METAP2: variants seen among roughly 807,000 people sequenced by gnomAD.
The protein encoded by METAP2 is methionyl aminopeptidase 2, also known as methionine aminopeptidase 2.
In METAP2, 25 loss-of-function variants were observed where a neutral mutation model predicts 59.4. The observed-to-expected ratio is 0.42, with a 90% CI of 0.31 to 0.59. METAP2 has a LOEUF of 0.59. METAP2 is among the 20% of genes least tolerant of loss of function. The pLI is 0.16. For missense variants in METAP2, 366 were observed against 581.2 expected, an observed-to-expected ratio of 0.63 and a Z score of 3.81; for synonymous variants, 214 against 194.1, an observed-to-expected ratio of 1.10 and a Z score of -0.85.
Position 95,515,230 on chromosome 12 carries a change from C to A in METAP2, c.*1326C>A, listed in dbSNP as rs201295216. 10 of 152,606 alleles carry A rather than the reference C, an allele frequency of 6.6e-5. No individual in the cohort carries two copies. Among genetic ancestry groups the A allele is most frequent in the Non-Finnish European group, 1.2e-4 (8 of 68,034 alleles). The allele number at this position is 152,606 out of a possible 1,614,324, so 9.5% of individuals were successfully genotyped here. A position where few individuals can be genotyped will look rare whatever the true frequency, so the allele number is the denominator to read the frequency against. The stretch of plus-strand genomic sequence containing the variant: ...ACTTGTGTACCTAGATCATCTGTTA[C>A]ATTAAAAAGCTGCTCTTTCAGCATT... On this transcript the variant is annotated 3_prime_UTR_variant, in exon 11 of 11. Coordinates refer to ENST00000323666, the MANE Select transcript of METAP2 (RefSeq NM_006838.4).
chr12:95,508,271 C>G (rs1056619802), intron 8 of METAP2, among the ~76,000 whole-genome samples: 2 of 152,120 alleles, frequency 1.3e-5, no homozygotes, highest in Non-Finnish European at 2.9e-5. Context: ...GATCTCATTT[C>G]CAGTGTGCTT....
Position 95,515,079 on chromosome 12 carries a change from A to C in METAP2, c.*1175A>C, listed in dbSNP as rs200008350. 1.3e-5 allele frequency: 2 copies of C among 152,668 alleles called. No homozygotes were observed. Among genetic ancestry groups the C allele is most frequent in the African/African-American group, 2.4e-5 (1 of 41,468 alleles). 9.5% of individuals were successfully genotyped at this position (152,668 alleles called of 1,614,324 possible). ...TGGGAATGTTCCATCATAATTTCTA[A>C]ATCATTTATATATCAAGGTAGCCTT... On this transcript the variant is annotated 3_prime_UTR_variant, in exon 11 of 11. Transcript: ENST00000323666.
chr12:95,475,150 G>C (rs1347180841), intron 1 of METAP2, among the ~76,000 whole-genome samples: 3 of 152,198 alleles, frequency 2.0e-5, no homozygotes, highest in African/African-American at 7.2e-5. Context: ...TGCTGCACAA[G>C]CTCCTTCACC....
At chr12:95,492,285 G>A (rs2076244362) in intron 4 of METAP2, among the ~76,000 whole-genome samples, 1 of 152,102 alleles carries the variant, frequency 6.6e-6, no homozygotes, top group African/African-American at 2.4e-5. Context: ...ATAGGAGTAA[G>A]CCACTGTACC....
chr12:95,510,226 C>G (rs561357942), intron 8 of METAP2, among the ~76,000 whole-genome samples: 1 of 152,304 alleles, frequency 6.6e-6, no homozygotes, highest in Non-Finnish European at 1.5e-5. Context: ...GCTACGTAAC[C>G]TCACTCCTCA....
In METAP2 at chr12:95,474,583, C is replaced by T. The variant is rs966625071; in HGVS notation, c.151+253C>T. Among the ~76,000 whole-genome samples the T allele has an allele frequency of 2.0e-5, 3 of 152,186 alleles. No homozygotes were observed. In the South Asian group the frequency reaches 6.2e-4, roughly 31 times the overall value. ...GTGTGGTACCTCTGGGGTCGCTGGG[C>T]CCGAGCCCCTGTATTACCAGAACTC... is the stretch of plus-strand genomic sequence containing the variant. On this transcript the variant is annotated intron_variant, in intron 1 of 10. Transcript: ENST00000323666.
At chr12:95,488,998 G>A (rs1430252410) in intron 4 of METAP2, among the ~76,000 whole-genome samples, 1 of 151,952 alleles carries the variant, frequency 6.6e-6, no homozygotes, top group Non-Finnish European at 1.5e-5. Flanking sequence ...CAATGTCATG[G>A]GATGTTTTTG....
chr12:95,487,858 A>G (rs1346855326), intron 4 of METAP2, among the ~76,000 whole-genome samples: 7 of 152,126 alleles, frequency 4.6e-5, no homozygotes, highest in African/African-American at 9.7e-5. Flanking sequence ...TGGCTTCATA[A>G]TATTCCGTGG....
intron 2 of METAP2, among the ~76,000 whole-genome samples, chr12:95,479,882 T>TACAGGCGTGA (rs1555190113): frequency 6.6e-6 from 1 of 152,240 alleles, no homozygotes; most frequent in Non-Finnish European, 1.5e-5. Flanking sequence ...GTGCTGGGAT[T>TACAGGCGTGA]ACAGGCGTGA....
At chr12:95,482,150 C>G (rs1313648321) in intron 2 of METAP2, 5 of 452,984 alleles carry the variant, frequency 1.1e-5, no homozygotes, top group Non-Finnish European at 2.2e-5. Flanking sequence ...CCTCCCGTCA[C>G]CCAGGCTGAC....
In METAP2 at chr12:95,485,961, A is replaced by ATACCCACCC; in HGVS notation, c.409_417dup (p.Tyr137_Pro139dup). On this transcript the variant is annotated inframe_insertion, in exon 4 of 11. Coordinates refer to ENST00000323666, the MANE Select transcript of METAP2 (RefSeq NM_006838.4). ...TATTTCCCAAAGGACAAGAATGCGA[A>ATACCCACCC]TACCCACCCACACAAGATGGGTAAG... 6.3e-7 allele frequency: 1 copy of ATACCCACCC among 1,585,316 alleles called. No individual in the cohort carries two copies. The highest frequency in any genetic ancestry group is 8.6e-7 in the Non-Finnish European group (1 of 1,164,958).
intron 4 of METAP2, among the ~76,000 whole-genome samples, chr12:95,491,082 C>CTT (rs11329335): frequency 3.0e-5 from 4 of 134,492 alleles, no homozygotes; most frequent in Non-Finnish European, 4.8e-5. Context: ...ACAGCCAACT[C>CTT]TTTTTTTTTT....
Position 95,514,671 on chromosome 12 carries a change from C to T in METAP2, c.*767C>T, listed in dbSNP as rs1222301676. 2.0e-5 allele frequency: 3 copies of T among 151,784 alleles called. No individual in the cohort carries two copies. Among genetic ancestry groups the T allele is most frequent in the Admixed American group, 1.3e-4 (2 of 15,228 alleles). 9.4% of individuals were successfully genotyped at this position (151,784 alleles called of 1,614,324 possible). A position where few individuals can be genotyped will look rare whatever the true frequency, so the allele number is the denominator to read the frequency against. On this transcript the variant is annotated 3_prime_UTR_variant, in exon 11 of 11. Transcript: ENST00000323666. ...CAAAACCTTGATTTAGTAAAAATCTCAATGTTTAGATCCTTTGTCCAGTGG... is the reference window on the plus strand; with the variant it reads ...CAAAACCTTGATTTAGTAAAAATCTTAATGTTTAGATCCTTTGTCCAGTGG...
In METAP2 at chr12:95,514,043, A is replaced by G; in HGVS notation, c.*139A>G. ...TTTATCCATGTTTAAAAAAGAAGGA[A>G]TTTGGACAAAGGCAAACCGTCTAAT... On this transcript the variant is annotated 3_prime_UTR_variant, in exon 11 of 11. Transcript: ENST00000323666. 1 of 1,074,290 alleles carries G rather than the reference A, an allele frequency of 9.3e-7. No individual in the cohort carries two copies. Among genetic ancestry groups the G allele is most frequent in the Non-Finnish European group, 1.3e-6 (1 of 781,156 alleles). The allele number at this position is 1,074,290 out of a possible 1,614,324, so 66.5% of individuals were successfully genotyped here.
intron 7 of METAP2, among the ~76,000 whole-genome samples, chr12:95,501,136 A>T (rs1308886854): frequency 1.3e-5 from 2 of 151,568 alleles, no homozygotes; most frequent in African/African-American, 4.8e-5. Flanking sequence ...TCAGCTCCCA[A>T]GTAGCCGGGA....
intron 2 of METAP2, chr12:95,482,295 T>C: frequency 2.8e-6 from 1 of 363,372 alleles, no homozygotes; most frequent in South Asian, 2.0e-5. Flanking sequence ...GTACTTTTAG[T>C]AGAGACAGGG....
At position 95,496,106 on chromosome 12, in the gene METAP2, A is replaced by T. The variant is rs757275108; in HGVS notation, c.867+8A>T. On this transcript the variant is annotated splice_region_variant and intron_variant, in intron 7 of 10. Transcript: ENST00000323666. ...ACTAACACTGGAATAAAGGTATGTGAACTGTAAGCACCATTTCATTCCCAA... is the reference window on the plus strand; with the variant it reads ...ACTAACACTGGAATAAAGGTATGTGTACTGTAAGCACCATTTCATTCCCAA... The T allele has an allele frequency of 6.6e-7, 1 of 1,505,962 alleles. No homozygotes were observed. Among genetic ancestry groups the T allele is most frequent in the South Asian group, 1.2e-5 (1 of 86,466 alleles). 93.3% of individuals were successfully genotyped at this position (1,505,962 alleles called of 1,614,324 possible).
chr12:95,500,633 TCAGA>T (rs2076308484), intron 7 of METAP2, among the ~76,000 whole-genome samples: 1 of 152,222 alleles, frequency 6.6e-6, no homozygotes, highest in African/African-American at 2.4e-5. Flanking sequence ...CTGCATCAAT[TCAGA>T]CAGTCATATG....
intron 8 of METAP2, among the ~76,000 whole-genome samples, chr12:95,510,996 A>G (rs547870497): frequency 3.2e-4 from 49 of 152,216 alleles, no homozygotes; most frequent in African/African-American, 1.2e-3. Context: ...TGTTAAATGT[A>G]TTCCTAGCTT....
Sources: gnomAD v4.1 joint callset for allele counts (sites outside exome capture counted in the v4.1 genomes callset) on GRCh38, gnomAD v4.1.1 for gene constraint, MANE v1.5 for transcripts, NCBI Gene and HGNC (gene_info 2026-07-23, HGNC 2026-07-21) for gene names.